The following FAM20B variants were observed in gnomAD, a reference collection of about 807,000 sequenced individuals.
The protein encoded by FAM20B is glycosaminoglycan xylosylkinase.
A neutral mutation model predicts 43.8 loss-of-function variants in FAM20B; 23 were observed. The observed-to-expected ratio is 0.53, with a 90% CI of 0.38 to 0.74. The LOEUF (loss-of-function observed/expected upper bound fraction) is 0.74. FAM20B is among the 30% of genes least tolerant of loss of function. FAM20B has a pLI of 0.00. For missense variants in FAM20B, 440 were observed against 510.5 expected (o/e 0.86, Z 1.33); for synonymous variants, 178 against 192.4 (o/e 0.93, Z 0.62).
At chr1:179,027,143 G>A (rs1649821972) in intron 1 of FAM20B, among the ~76,000 whole-genome samples, 1 of 152,114 alleles carries the variant, frequency 6.6e-6, no homozygotes, top group African/African-American at 2.4e-5. Context: ...AGGAATGTGG[G>A]GTTTTTTTTA....
chr1:179,041,118 C>T (rs1326029385), intron 1 of FAM20B, among the ~76,000 whole-genome samples: 1 of 130,580 alleles, frequency 7.7e-6, no homozygotes, highest in Admixed American at 7.1e-5. Flanking sequence ...AAGAGGCGCT[C>T]CTCACTTCCT....
At chr1:179,036,640 A>G (rs1650239667) in intron 1 of FAM20B, among the ~76,000 whole-genome samples, 1 of 152,206 alleles carries the variant, frequency 6.6e-6, no homozygotes, top group African/African-American at 2.4e-5. Context: ...CCCAAATAAA[A>G]AAGGAAGATT....
In FAM20B at chr1:179,044,215, A is replaced by G. The variant is rs760280993; in HGVS notation, c.368A>G (p.Lys123Arg). Residue 123 changes from lysine to arginine, a missense_variant, in exon 2 of 8, where the codon AAA becomes AGA. Lys to Arg is a conservative substitution (Grantham distance 26). Coordinates refer to ENST00000263733, the MANE Select transcript of FAM20B (RefSeq NM_014864.4). ...ILEGGQKVVF[K>R]PKRYSRDHVV... ...GAAGGAGGCCAGAAAGTTGTTTTCA[A>G]ACCTAAGCGGTAAGTTTTGATCTTG... The G allele has an allele frequency of 3.1e-6, 5 of 1,604,228 alleles. No individual in the cohort carries two copies. The highest frequency in any genetic ancestry group is 1.7e-4 in the Middle Eastern group (1 of 6,016).
chr1:179,033,159 T>A (rs577066549), intron 1 of FAM20B, among the ~76,000 whole-genome samples: 1 of 152,356 alleles, frequency 6.6e-6, no homozygotes, highest in African/African-American at 2.4e-5. Flanking sequence ...ATTTATGTTT[T>A]GGCTGAAGTA....
At chr1:179,051,133 A>T (rs972728443) in intron 3 of FAM20B, among the ~76,000 whole-genome samples, 41 of 151,952 alleles carry the variant, frequency 2.7e-4, no homozygotes, top group African/African-American at 9.9e-4. Context: ...AAAAAAAAAA[A>T]AAAAGGAAAG....
Position 179,076,497 on chromosome 1 carries a change from A to G in FAM20B, c.*4353A>G, listed in dbSNP as rs931030947. On this transcript the variant is annotated 3_prime_UTR_variant, in exon 8 of 8. Coordinates refer to ENST00000263733, the MANE Select transcript of FAM20B (RefSeq NM_014864.4). ...TACCAAACAAGACAGATATGGATCT[A>G]AATTTCTAATGTGTTCTATGGGTTT... 6.6e-6 allele frequency: 1 copy of G among 152,618 alleles called. No individual in the cohort carries two copies. Among genetic ancestry groups the G allele is most frequent in the Non-Finnish European group, 1.5e-5 (1 of 68,040 alleles). 9.5% of individuals were successfully genotyped at this position (152,618 alleles called of 1,614,324 possible).
At chr1:179,054,200 A>G (rs1171925396) in intron 3 of FAM20B, among the ~76,000 whole-genome samples, 3 of 151,800 alleles carry the variant, frequency 2.0e-5, no homozygotes, top group African/African-American at 7.3e-5. Context: ...CTTTCCTAAA[A>G]TCTATTTTTA....
At chr1:179,045,220 C>T (rs1222612342) in intron 2 of FAM20B, among the ~76,000 whole-genome samples, 1 of 152,114 alleles carries the variant, frequency 6.6e-6, no homozygotes, top group Admixed American at 6.5e-5. Flanking sequence ...AAAATGTTTT[C>T]TGAGTGTATG....
At chr1:179,064,158 T>G (rs1226775439) in intron 5 of FAM20B, 60 bp downstream of exon 5, 1 of 1,489,354 alleles carries the variant, frequency 6.7e-7, no homozygotes, top group Non-Finnish European at 9.2e-7. Context: ...GTGCCAACTC[T>G]GTAAAGGAGC....
intron 2 of FAM20B, among the ~76,000 whole-genome samples, chr1:179,049,458 T>G (rs375118227): frequency 6.6e-6 from 1 of 152,204 alleles, no homozygotes; most frequent in African/African-American, 2.4e-5. Flanking sequence ...GCCTTCCCAT[T>G]AACAAAGATT....
chr1:179,065,070 G>A (rs2102522912), intron 6 of FAM20B, among the ~76,000 whole-genome samples: 2 of 151,278 alleles, frequency 1.3e-5, no homozygotes, highest in Non-Finnish European at 3.0e-5. Flanking sequence ...ATTTTTTTAG[G>A]CCTGAGCTAT....
At chr1:179,065,371 A>G (rs1309430701) in intron 6 of FAM20B, among the ~76,000 whole-genome samples, 1 of 152,174 alleles carries the variant, frequency 6.6e-6, no homozygotes, top group African/African-American at 2.4e-5. Context: ...TCCTGACCTC[A>G]AGTGCTCTGC....
intron 2 of FAM20B, 143 bp downstream of exon 2, chr1:179,044,367 T>C (rs1294473630): frequency 4.5e-6 from 4 of 895,180 alleles, no homozygotes; most frequent in Admixed American, 2.9e-5. Context: ...AAGTCTTTTC[T>C]AGCACTTAAC....
At chr1:179,067,982 C>T (rs1350440611) in intron 7 of FAM20B, among the ~76,000 whole-genome samples, 1 of 152,030 alleles carries the variant, frequency 6.6e-6, no homozygotes, top group African/African-American at 2.4e-5. Flanking sequence ...AGGCTGGTGT[C>T]AAACTATTGA....
At chr1:179,038,791 G>T (rs1650357046) in intron 1 of FAM20B, among the ~76,000 whole-genome samples, 1 of 152,238 alleles carries the variant, frequency 6.6e-6, no homozygotes, top group Non-Finnish European at 1.5e-5. Flanking sequence ...AGATGCACTT[G>T]AATTGCCTTT....
At chr1:179,049,341 C>T (rs1482940688) in intron 2 of FAM20B, among the ~76,000 whole-genome samples, 2 of 152,146 alleles carry the variant, frequency 1.3e-5, no homozygotes, top group African/African-American at 4.8e-5. Context: ...ATGACAGCCA[C>T]ACCAACCTCC....
At chr1:179,019,978 T>A in the FAM20B span, among the ~76,000 whole-genome samples, 1 of 152,184 alleles carries the variant, frequency 6.6e-6, no homozygotes, top group Non-Finnish European at 1.5e-5. Flanking sequence ...GTACTGGTTC[T>A]TTCTCCCTGG....
At chr1:179,065,752 A>G (rs1557879194) in intron 6 of FAM20B, among the ~76,000 whole-genome samples, 1 of 152,230 alleles carries the variant, frequency 6.6e-6, no homozygotes, top group Non-Finnish European at 1.5e-5. Flanking sequence ...GTGTATATCA[A>G]AATAGTTGCT....
chr1:179,024,715 A>G (rs1649687245), upstream of FAM20B, among the ~76,000 whole-genome samples: 1 of 152,220 alleles, frequency 6.6e-6, no homozygotes, highest in Non-Finnish European at 1.5e-5. Context: ...AAGCCCAATT[A>G]TTTCTCTAGG....
Sources: gnomAD v4.1 joint callset for allele counts (sites outside exome capture counted in the v4.1 genomes callset) on GRCh38, gnomAD v4.1.1 for gene constraint, MANE v1.5 for transcripts, NCBI Gene and HGNC (gene_info 2026-07-23, HGNC 2026-07-21) for gene names.